PLCL1: variants seen among roughly 807,000 people sequenced by gnomAD.
PLCL1 encodes phospholipase C like 1 (inactive).
Under a neutral mutation model 84.4 loss-of-function variants are expected in PLCL1, and 41 were observed. The observed-to-expected ratio is 0.49, with a 90% CI of 0.38 to 0.63. PLCL1 has a LOEUF of 0.63. Ranked by LOEUF, PLCL1 falls within the 30% of genes least tolerant of loss-of-function variation. PLCL1 has a pLI of 0.00. For synonymous variants in PLCL1, 490 were observed against 488.3 expected, an observed-to-expected ratio of 1.00 and a Z score of -0.05; for missense variants, 1,206 against 1,367.8, an observed-to-expected ratio of 0.88 and a Z score of 1.87.
chr2:197,919,127 A>G (rs952714613), intron 1 of PLCL1, among the ~76,000 whole-genome samples: 6 of 152,332 alleles, frequency 3.9e-5, no homozygotes, highest in South Asian at 2.1e-4. Flanking sequence ...ATATATTTAT[A>G]GATCAAAAAT....
At position 198,085,032 on chromosome 2, in the gene PLCL1, A is replaced by G. The variant is rs570312884; in HGVS notation, c.1515A>G (p.Gln505=). The change falls in exon 2 of 6, where the codon CAA becomes CAG. Residue 505 remains glutamine, a synonymous_variant. Transcript: ENST00000428675. The surrounding 1 kb of genome is among the most constrained non-coding windows in gnomAD (Gnocchi z 5.3). ...CSLPQQKVMA[Q]QMKKVFGNKL... ...TGCCGCAGCAGAAGGTAATGGCTCAACAGATGAAAAAGGTCTTTGGCAATA... is the reference window on the plus strand; with the variant it reads ...TGCCGCAGCAGAAGGTAATGGCTCAGCAGATGAAAAAGGTCTTTGGCAATA... The G allele has an allele frequency of 2.5e-6, 4 of 1,614,102 alleles. No homozygotes were observed. Among genetic ancestry groups the G allele is most frequent in the Admixed American group, 3.3e-5 (2 of 60,000 alleles).
chr2:198,137,352 G>T (rs998452914), intron 5 of PLCL1, among the ~76,000 whole-genome samples: 1 of 152,048 alleles, frequency 6.6e-6, no homozygotes, highest in South Asian at 2.1e-4. Flanking sequence ...ACTAAGAACG[G>T]TTATTTAGCA....
At chr2:198,116,827 A>G (rs1693759693) in intron 5 of PLCL1, among the ~76,000 whole-genome samples, 1 of 151,942 alleles carries the variant, frequency 6.6e-6, no homozygotes, top group African/African-American at 2.4e-5. Flanking sequence ...TGGGATTTGT[A>G]AATCTGCCAG....
Position 198,105,601 on chromosome 2 carries a change from GGTGTGT to G in PLCL1, c.3105+1698_3105+1703del, listed in dbSNP as rs72103336. Among the ~76,000 whole-genome samples, 603 of 143,816 alleles carry G rather than the reference GGTGTGT, an allele frequency of 4.2e-3. 4 individuals carry two copies. The highest frequency in any genetic ancestry group is 0.013 in the South Asian group (55 of 4,346). 94.3% of individuals were successfully genotyped at this position (143,816 alleles called of 152,430 possible). On this transcript the variant is annotated intron_variant, in intron 5 of 5. Coordinates refer to ENST00000428675, the MANE Select transcript of PLCL1 (RefSeq NM_006226.4). The stretch of plus-strand genomic sequence containing the variant: ...GCCCATGTGTGAGATTAATTTGCCT[GGTGTGT>G]GTGTGTGTGTGTGTGTGTGTGTGTG...
At chr2:198,077,972 CATCCTTTTTATTAGGA>C (rs1213540644) in intron 1 of PLCL1, among the ~76,000 whole-genome samples, 2 of 152,268 alleles carry the variant, frequency 1.3e-5, no homozygotes, top group African/African-American at 4.8e-5. Context: ...CTAATCCCTT[CATCCTTTTTATTAGGA>C]ATCCTTTTTA....
intron 1 of PLCL1, among the ~76,000 whole-genome samples, chr2:197,887,074 C>G (rs1378976625): frequency 6.6e-6 from 1 of 152,132 alleles, no homozygotes; most frequent in Non-Finnish European, 1.5e-5. Context: ...CCCTAGAGAC[C>G]TGCATCCTTA....
At chr2:197,951,778 A>G (rs1689394738) in intron 1 of PLCL1, among the ~76,000 whole-genome samples, 1 of 152,192 alleles carries the variant, frequency 6.6e-6, no homozygotes. Flanking sequence ...GACTGTTGTC[A>G]TCAAAATAAT....
intron 1 of PLCL1, among the ~76,000 whole-genome samples, chr2:197,907,487 C>T (rs1688408929): frequency 6.6e-6 from 1 of 152,114 alleles, no homozygotes; most frequent in Admixed American, 6.6e-5. Flanking sequence ...ATCTACCTGC[C>T]TAACTCAGTG....
At chr2:197,844,794 C>G (rs1035123394) in intron 1 of PLCL1, among the ~76,000 whole-genome samples, 1 of 151,970 alleles carries the variant, frequency 6.6e-6, no homozygotes, top group Non-Finnish European at 1.5e-5. Flanking sequence ...ACTCTGTGTT[C>G]TGTTCTTATA....
chr2:197,979,099 T>C (rs931561576), intron 1 of PLCL1, among the ~76,000 whole-genome samples: 1 of 152,176 alleles, frequency 6.6e-6, no homozygotes, highest in Admixed American at 6.5e-5. Context: ...TTGTTTTAGT[T>C]GTTTAGACTT....
At chr2:197,852,900 A>G (rs1316067853) in intron 1 of PLCL1, among the ~76,000 whole-genome samples, 1 of 152,104 alleles carries the variant, frequency 6.6e-6, no homozygotes, top group Non-Finnish European at 1.5e-5. Context: ...AAAATTAACT[A>G]TTTTAGCCAT....
chr2:198,040,962 A>T (rs541473611), intron 1 of PLCL1, among the ~76,000 whole-genome samples: 6 of 152,272 alleles, frequency 3.9e-5, no homozygotes, highest in African/African-American at 1.4e-4. Context: ...AATCACAAGG[A>T]CTGTTTAAAG....
chr2:198,039,436 A>C (rs1301298989), intron 1 of PLCL1, among the ~76,000 whole-genome samples: 1 of 152,130 alleles, frequency 6.6e-6, no homozygotes, highest in Non-Finnish European at 1.5e-5. Context: ...ACTGATGCAT[A>C]ATTACTTCTT....
intron 1 of PLCL1, among the ~76,000 whole-genome samples, chr2:197,842,198 A>G (rs1687019305): frequency 6.6e-6 from 1 of 152,056 alleles, no homozygotes; most frequent in Non-Finnish European, 1.5e-5. Flanking sequence ...TGCCCCTTAC[A>G]TGATCTTTCA....
intron 1 of PLCL1, among the ~76,000 whole-genome samples, chr2:197,820,721 T>C (rs562900982): frequency 6.6e-6 from 1 of 152,288 alleles, no homozygotes; most frequent in South Asian, 2.1e-4. Flanking sequence ...TTACATAAAA[T>C]GAAAATTCTG....
intron 1 of PLCL1, among the ~76,000 whole-genome samples, chr2:198,075,538 G>T (rs1396380982): frequency 6.6e-6 from 1 of 152,196 alleles, no homozygotes; most frequent in East Asian, 1.9e-4. Flanking sequence ...GTACGAAGCA[G>T]TGGACTGGGA....
chr2:198,104,638 T>A (rs1428221833), intron 5 of PLCL1, among the ~76,000 whole-genome samples: 1 of 152,054 alleles, frequency 6.6e-6, no homozygotes, highest in African/African-American at 2.4e-5. Flanking sequence ...CATGGCTGAA[T>A]GAATTTACAT....
chr2:198,098,024 G>A (rs543526646), intron 3 of PLCL1, among the ~76,000 whole-genome samples: 68 of 152,234 alleles, frequency 4.5e-4, no homozygotes, highest in African/African-American at 1.6e-3. Context: ...ATATATGTAA[G>A]AGCAATCTGA....
chr2:197,974,308 T>A (rs913441210), intron 1 of PLCL1, among the ~76,000 whole-genome samples: 3 of 152,196 alleles, frequency 2.0e-5, no homozygotes, highest in African/African-American at 4.8e-5. Flanking sequence ...AGATTTCAAT[T>A]TGGGAACCAT....
Sources: gnomAD v4.1 joint callset for allele counts (sites outside exome capture counted in the v4.1 genomes callset) on GRCh38, gnomAD v4.1.1 for gene constraint, Gnocchi (gnomAD v3.1) non-coding constraint, MANE v1.5 for transcripts, NCBI Gene and HGNC (gene_info 2026-07-23, HGNC 2026-07-21) for gene names.